ZNF518A: variants seen among roughly 807,000 people sequenced by gnomAD.
ZNF518A encodes zinc finger protein 518A.
A neutral mutation model predicts 102.7 loss-of-function variants in ZNF518A; 47 were observed. That is an observed-to-expected ratio of 0.46 (90% CI 0.36 to 0.58). ZNF518A has a LOEUF of 0.58. Among genes scored for constraint, ZNF518A ranks in the 20% least tolerant of loss-of-function variants. The pLI is 0.00. For synonymous variants in ZNF518A, 652 were observed against 594.6 expected (o/e 1.10, Z -1.40); for missense variants, 1,793 against 1,699.8 (o/e 1.05, Z -0.96).
chr10:96,153,063 C>T (rs1231170588), intron 3 of ZNF518A, among the ~76,000 whole-genome samples: 1 of 152,190 alleles, frequency 6.6e-6, no homozygotes, highest in Non-Finnish European at 1.5e-5. Flanking sequence ...AACCAGAGAA[C>T]CCAATGGTCC....
chr10:96,191,022 T>A (rs925237803), intron 1 of ZNF518A, among the ~76,000 whole-genome samples: 1 of 152,160 alleles, frequency 6.6e-6, no homozygotes, highest in Admixed American at 6.5e-5. Context: ...GGGAGGGACC[T>A]GGTGGGAGGT....
Position 96,161,552 on chromosome 10 carries a change from A to T in ZNF518A, c.*778A>T, listed in dbSNP as rs1554888042. ...CTTGAACATATTTCTAAATTTGATT[A>T]TATTCTCTGATGATCCCTTTGCACA... On this transcript the variant is annotated 3_prime_UTR_variant, in exon 6 of 6. Coordinates refer to ENST00000316045, the MANE Select transcript of ZNF518A (RefSeq NM_001330736.2). 6.0e-6 allele frequency: 1 copy of T among 166,674 alleles called. No individual in the cohort carries two copies. The highest frequency in any genetic ancestry group is 1.5e-5 in the Non-Finnish European group (1 of 68,026). The allele number at this position is 166,674 out of a possible 1,614,324, so 10.3% of individuals were successfully genotyped here.
At chr10:96,172,269 A>G (rs1042609300) in intron 1 of ZNF518A, among the ~76,000 whole-genome samples, 1 of 152,152 alleles carries the variant, frequency 6.6e-6, no homozygotes. Flanking sequence ...CATTATGCAT[A>G]TAATTGTATT....
chr10:96,157,265 C>T lies in ZNF518A; in HGVS notation c.943C>T (p.Leu315=), dbSNP rs1024596195. 2 of 1,611,446 alleles carry T rather than the reference C, an allele frequency of 1.2e-6. No homozygotes were observed. Among genetic ancestry groups the T allele is most frequent in the African/African-American group, 2.7e-5 (2 of 74,868 alleles). The change falls in exon 6 of 6, where the codon CTG becomes TTG. Residue 315 remains leucine, a synonymous_variant. Transcript: ENST00000316045. ...GACTTCTGCAGGACTTAAGCTAATACTGAAAAGATATAAAATAGGTGCATC... is the reference window on the plus strand; with the variant it reads ...GACTTCTGCAGGACTTAAGCTAATATTGAAAAGATATAAAATAGGTGCATC... The part of the protein sequence containing the change: ...AKTSAGLKLI[L]KRYKIGASRK...
chr10:96,164,755 G>C (rs2083109099), downstream of ZNF518A, among the ~76,000 whole-genome samples: 1 of 152,172 alleles, frequency 6.6e-6, no homozygotes, highest in Non-Finnish European at 1.5e-5. Context: ...GAATTTAGGA[G>C]ATGCCAAGAA....
chr10:96,169,825 G>A (rs968675735), intron 1 of ZNF518A, among the ~76,000 whole-genome samples: 3 of 152,234 alleles, frequency 2.0e-5, no homozygotes, highest in East Asian at 3.9e-4. Flanking sequence ...TATTCTTACC[G>A]TGTTTTGTAC....
Position 96,159,559 on chromosome 10 carries a change from C to A in ZNF518A, c.3237C>A (p.Ser1079=). 1 of 1,613,830 alleles carries A rather than the reference C, an allele frequency of 6.2e-7. No individual in the cohort carries two copies. Among genetic ancestry groups the A allele is most frequent in the Non-Finnish European group, 8.5e-7 (1 of 1,179,770 alleles). ...SEQQSTKLNI[S]DSVKQQNEIF... Reference sequence around the variant, plus strand: ...AACAGAGCACTAAGTTGAATATCTCCGATTCAGTAAAACAGCAGAATGAGA... The same window carrying A: ...AACAGAGCACTAAGTTGAATATCTCAGATTCAGTAAAACAGCAGAATGAGA... Residue 1079 remains serine, a synonymous_variant, in exon 6 of 6, where the codon TCC becomes TCA. Transcript: ENST00000316045.
At chr10:96,134,423 G>A (rs1363204144) in intron 3 of ZNF518A, among the ~76,000 whole-genome samples, 3 of 152,052 alleles carry the variant, frequency 2.0e-5, no homozygotes, top group Non-Finnish European at 4.4e-5. Flanking sequence ...TAGTGGAGAC[G>A]AGGCTTCGCC....
downstream of ZNF518A, among the ~76,000 whole-genome samples, chr10:96,166,821 C>G (rs1286961353): frequency 6.6e-6 from 1 of 152,112 alleles, no homozygotes; most frequent in Non-Finnish European, 1.5e-5. Flanking sequence ...TACAGACATC[C>G]CTTGTGATCA....
At chr10:96,177,608 T>C (rs1158426475) in intron 1 of ZNF518A, among the ~76,000 whole-genome samples, 1 of 152,162 alleles carries the variant, frequency 6.6e-6, no homozygotes, top group African/African-American at 2.4e-5. Context: ...GAAGATAGAC[T>C]GTGATAAGTC....
chr10:96,166,091 G>T (rs923962822), downstream of ZNF518A, among the ~76,000 whole-genome samples: 1 of 152,142 alleles, frequency 6.6e-6, no homozygotes, highest in Non-Finnish European at 1.5e-5. Flanking sequence ...AAATAAAGCT[G>T]TCTCAGCTCC....
chr10:96,146,189 TTACAA>T (rs1458352887), intron 3 of ZNF518A, among the ~76,000 whole-genome samples: 2 of 152,230 alleles, frequency 1.3e-5, no homozygotes, highest in Non-Finnish European at 2.9e-5. Flanking sequence ...TAATATTCCC[TTACAA>T]TACTGTAATT....
At chr10:96,185,292 G>A (rs143905468) in intron 1 of ZNF518A, among the ~76,000 whole-genome samples, 1,902 of 152,270 alleles carry the variant, frequency 0.012, 23 homozygotes, top group Non-Finnish European at 0.016. Context: ...ACCTTCTGAA[G>A]CCTACTTCTG....
chr10:96,204,159 T>C, downstream of ZNF518A: 1 of 1,492,204 alleles, frequency 6.7e-7, no homozygotes. Flanking sequence ...TTGTTTACAC[T>C]GATGATGCTG....
At chr10:96,174,560 G>T (rs2083192129) in intron 1 of ZNF518A, among the ~76,000 whole-genome samples, 1 of 152,098 alleles carries the variant, frequency 6.6e-6, no homozygotes, top group Admixed American at 6.6e-5. Flanking sequence ...TGACCTAGAT[G>T]AAATTGACAA....
downstream of ZNF518A, among the ~76,000 whole-genome samples, chr10:96,165,151 T>A (rs2133876701): frequency 6.6e-6 from 1 of 152,062 alleles, no homozygotes; most frequent in African/African-American, 2.4e-5. Context: ...CGAGATGGAG[T>A]CTCACTCTGT....
intron 1 of ZNF518A, among the ~76,000 whole-genome samples, chr10:96,187,480 G>A (rs1445997111): frequency 6.6e-6 from 1 of 152,140 alleles, no homozygotes; most frequent in African/African-American, 2.4e-5. Context: ...TTTCTTTTAG[G>A]CAAGACTATC....
chr10:96,158,221 C>T lies in ZNF518A; in HGVS notation c.1899C>T (p.Asn633=), dbSNP rs1554884369. ...GNCELPVESS[N]QGSLPFHNYS... is the part of the protein sequence containing the mutation. The stretch of plus-strand genomic sequence containing the variant: ...GTGAGTTACCTGTTGAATCCTCCAA[C>T]CAAGGATCATTACCTTTTCATAATT... The change falls in exon 6 of 6, where the codon AAC becomes AAT. Residue 633 remains asparagine, a synonymous_variant. Coordinates refer to ENST00000316045, the MANE Select transcript of ZNF518A (RefSeq NM_001330736.2). 6.2e-7 allele frequency: 1 copy of T among 1,613,672 alleles called. No homozygotes were observed. Among genetic ancestry groups the T allele is most frequent in the Non-Finnish European group, 8.5e-7 (1 of 1,179,740 alleles).
At position 96,130,330 on chromosome 10, in the gene ZNF518A, G is replaced by T. The variant is rs1253604054; in HGVS notation, c.-875G>T. Among the ~76,000 whole-genome samples, 1 of 152,194 alleles carries T rather than the reference G, an allele frequency of 6.6e-6. No homozygotes were observed. Among genetic ancestry groups the T allele is most frequent in the Admixed American group, 6.5e-5 (1 of 15,286 alleles). On this transcript the variant is annotated 5_prime_UTR_variant, in exon 1 of 6. Transcript: ENST00000316045. ...GCAAAGTTTTTCTGGAGAAGTCGGG[G>T]TTTTTTTGCCGAGCGCTTTTGCCGA... is the stretch of plus-strand genomic sequence containing the variant.
Sources: allele counts gnomAD v4.1 joint callset (sites outside exome capture counted in the v4.1 genomes callset), GRCh38; gene constraint gnomAD v4.1.1; transcripts MANE v1.5; gene names NCBI Gene and HGNC (gene_info 2026-07-23, HGNC 2026-07-21).